Variants in ADAMTS16 observed in about 807,000 individuals in gnomAD.
ADAMTS16 encodes the protein ADAM metallopeptidase with thrombospondin type 1 motif 16, also known as A disintegrin and metalloproteinase with thrombospondin motifs 16.
A neutral mutation model predicts 145.8 loss-of-function variants in ADAMTS16; 94 were observed. That is an observed-to-expected ratio of 0.64 (90% CI 0.55 to 0.77). The LOEUF (loss-of-function observed/expected upper bound fraction) is 0.77, where lower values mean the gene tolerates loss of function less well. Ranked by LOEUF, ADAMTS16 falls within the 30% of genes least tolerant of loss-of-function variation. ADAMTS16 has a pLI of 0.00. For synonymous variants in ADAMTS16, 659 were observed against 604.3 expected (o/e 1.09, Z -1.33); for missense variants, 1,585 against 1,591.5 (o/e 1.00, Z 0.07).
intron 4 of ADAMTS16, 37 bp from the exon 5 acceptor site, chr5:5,186,015 T>G: frequency 6.4e-7 from 1 of 1,569,984 alleles, no homozygotes; most frequent in Non-Finnish European, 8.7e-7. Flanking sequence ...TGTGTGTGAC[T>G]TGTGCTTCCA....
At chr5:5,278,814 T>C (rs1738792335) in intron 18 of ADAMTS16, among the ~76,000 whole-genome samples, 1 of 152,132 alleles carries the variant, frequency 6.6e-6, no homozygotes, top group Non-Finnish European at 1.5e-5. Flanking sequence ...TTTATAGATG[T>C]TTATAAACAT....
intron 18 of ADAMTS16, among the ~76,000 whole-genome samples, chr5:5,278,462 A>G (rs1206439441): frequency 2.6e-5 from 4 of 152,138 alleles, no homozygotes; most frequent in Admixed American, 2.6e-4. Context: ...ACTCATTGTC[A>G]TCACTCCTTA....
chr5:5,195,122 A>C lies in ADAMTS16; in HGVS notation c.1313+3332A>C, dbSNP rs372334587. 7.7e-4 allele frequency among the ~76,000 whole-genome samples: 118 copies of C among 152,316 alleles called. 1 individual carries two copies. The highest frequency in any genetic ancestry group is 2.7e-3 in the African/African-American group (113 of 41,576). Reference sequence around the variant, plus strand: ...CCTAAAAATAGAAATTACTAAGAACAGGTGTTTGGATTTGTGTTGGAAAGA... The same window carrying C: ...CCTAAAAATAGAAATTACTAAGAACCGGTGTTTGGATTTGTGTTGGAAAGA... On this transcript the variant is annotated intron_variant, in intron 8 of 22. Transcript: ENST00000274181.
chr5:5,210,360 T>C (rs1196934025), intron 10 of ADAMTS16, among the ~76,000 whole-genome samples: 1 of 152,188 alleles, frequency 6.6e-6, no homozygotes, highest in African/African-American at 2.4e-5. Context: ...TTGGAAAACA[T>C]AGGCAATGAA....
intron 8 of ADAMTS16, among the ~76,000 whole-genome samples, chr5:5,196,488 A>T (rs1278625396): frequency 6.6e-6 from 1 of 152,148 alleles, no homozygotes. Context: ...TCTAACCATC[A>T]TCTGGACTGG....
intron 8 of ADAMTS16, among the ~76,000 whole-genome samples, chr5:5,197,985 T>G (rs1735852596): frequency 6.6e-6 from 1 of 152,144 alleles, no homozygotes; most frequent in South Asian, 2.1e-4. Flanking sequence ...ATCTCTCAGA[T>G]GTTGATGCAT....
intron 6 of ADAMTS16, 123 bp from the exon 7 acceptor site, chr5:5,189,848 T>A: frequency 8.3e-7 from 1 of 1,206,106 alleles, no homozygotes; most frequent in South Asian, 1.4e-5. Context: ...TTAGCTTATA[T>A]GCCATCCAGA....
At chr5:5,168,991 G>A (rs951900707) in intron 3 of ADAMTS16, among the ~76,000 whole-genome samples, 2 of 151,426 alleles carry the variant, frequency 1.3e-5, no homozygotes, top group African/African-American at 4.9e-5. Flanking sequence ...GTAGTGTTAC[G>A]TATCCTACCT....
intron 3 of ADAMTS16, among the ~76,000 whole-genome samples, chr5:5,177,476 A>G (rs1490768350): frequency 6.6e-6 from 1 of 152,238 alleles, no homozygotes; most frequent in African/African-American, 2.4e-5. Context: ...AGGAACAAAA[A>G]GAAACAGACA....
At chr5:5,179,322 A>G (rs1299093344) in intron 3 of ADAMTS16, among the ~76,000 whole-genome samples, 1 of 151,922 alleles carries the variant, frequency 6.6e-6, no homozygotes, top group Non-Finnish European at 1.5e-5. Flanking sequence ...TAGGTTCTTA[A>G]GGAGCCAATC....
At chr5:5,180,237 C>A (rs1191966750) in intron 3 of ADAMTS16, among the ~76,000 whole-genome samples, 2 of 151,944 alleles carry the variant, frequency 1.3e-5, no homozygotes, top group African/African-American at 4.8e-5. Context: ...GTGGGCAGCA[C>A]TAGATTTGCA....
chr5:5,238,138 G>T (rs767596185), intron 14 of ADAMTS16, among the ~76,000 whole-genome samples: 11 of 152,104 alleles, frequency 7.2e-5, no homozygotes, highest in Non-Finnish European at 1.3e-4. Flanking sequence ...TACCTCAGCT[G>T]TACAGTCCTC....
Position 5,319,180 on chromosome 5 carries a change from A to G in ADAMTS16, c.*42A>G. 2 of 1,454,056 alleles carry G rather than the reference A, an allele frequency of 1.4e-6. No homozygotes were observed. Among genetic ancestry groups the G allele is most frequent in the Non-Finnish European group, 1.9e-6 (2 of 1,050,902 alleles). 90.1% of individuals were successfully genotyped at this position (1,454,056 alleles called of 1,614,324 possible). A position where few individuals can be genotyped will look rare whatever the true frequency, so the allele number is the denominator to read the frequency against. On this transcript the variant is annotated 3_prime_UTR_variant, in exon 23 of 23. Coordinates refer to ENST00000274181, the MANE Select transcript of ADAMTS16 (RefSeq NM_139056.4). ...GTAGCAGAGAAAGTGCCTGCGTGGC[A>G]CAGAAATTTCCCACAAATGAGCTGT...
chr5:5,300,021 G>A (rs965926704), intron 18 of ADAMTS16, among the ~76,000 whole-genome samples: 1 of 152,176 alleles, frequency 6.6e-6, no homozygotes, highest in African/African-American at 2.4e-5. Context: ...TGGTATGAAG[G>A]AGCTTTGTTC....
chr5:5,297,973 G>A (rs1410341244), intron 18 of ADAMTS16, among the ~76,000 whole-genome samples: 1 of 152,200 alleles, frequency 6.6e-6, no homozygotes, highest in Non-Finnish European at 1.5e-5. Context: ...GAGCCCTGGA[G>A]TGCTGGGCCC....
intron 6 of ADAMTS16, among the ~76,000 whole-genome samples, chr5:5,189,422 C>A (rs1201735167): frequency 6.6e-6 from 1 of 152,080 alleles, no homozygotes; most frequent in Non-Finnish European, 1.5e-5. Flanking sequence ...AGTTTATTTT[C>A]CAGAAATAAA....
intron 10 of ADAMTS16, among the ~76,000 whole-genome samples, chr5:5,216,518 C>G (rs936703294): frequency 2.0e-5 from 3 of 151,940 alleles, no homozygotes; most frequent in Admixed American, 1.3e-4. Flanking sequence ...CACGTGAAAG[C>G]TCTTTAGTTT....
At chr5:5,211,000 T>C (rs952844620) in intron 10 of ADAMTS16, among the ~76,000 whole-genome samples, 2 of 152,238 alleles carry the variant, frequency 1.3e-5, no homozygotes, top group African/African-American at 4.8e-5. Context: ...TGATATTTGC[T>C]CATGATTTTT....
chr5:5,297,183 G>A (rs577073833), intron 18 of ADAMTS16, among the ~76,000 whole-genome samples: 1 of 152,328 alleles, frequency 6.6e-6, no homozygotes, highest in South Asian at 2.1e-4. Context: ...GAGCAAAGAT[G>A]GGGACCACTG....
Sources: allele counts gnomAD v4.1 joint callset (sites outside exome capture counted in the v4.1 genomes callset), GRCh38; gene constraint gnomAD v4.1.1; transcripts MANE v1.5; gene names NCBI Gene and HGNC (gene_info 2026-07-23, HGNC 2026-07-21).